The following CHL1 variants were observed in gnomAD, a reference collection of about 807,000 sequenced individuals.
CHL1 encodes cell adhesion molecule L1 like, also known as neural cell adhesion molecule L1-like protein.
CHL1 carries 96 observed loss-of-function variants against 141.9 expected under a neutral mutation model. The ratio of observed to expected loss-of-function variants is 0.68; its 90% confidence interval spans 0.57 to 0.80. CHL1 has a LOEUF of 0.80. Among genes scored for constraint, CHL1 ranks in the 30% least tolerant of loss-of-function variants. The pLI, the probability that CHL1 is intolerant of heterozygous loss-of-function variation, is 0.00. For missense variants in CHL1, 1,820 were observed against 1,457.2 expected (o/e 1.25, Z -4.05); for synonymous variants, 613 against 502.2 (o/e 1.22, Z -2.95).
At chr3:277,681 A>G (rs1244476019) in intron 2 of CHL1, among the ~76,000 whole-genome samples, 1 of 152,222 alleles carries the variant, frequency 6.6e-6, no homozygotes, top group Non-Finnish European at 1.5e-5. Flanking sequence ...CAAGGAAAAT[A>G]AATATTTTTG....
chr3:355,382 GC>G (rs1703621978), intron 11 of CHL1, among the ~76,000 whole-genome samples: 2 of 152,164 alleles, frequency 1.3e-5, no homozygotes, highest in African/African-American at 4.8e-5. Flanking sequence ...AATGGGCTGG[GC>G]GGGGAAAGAC....
chr3:383,637 TA>T (rs1249720586), intron 18 of CHL1, among the ~76,000 whole-genome samples, 178 bp from the exon 19 acceptor site: 1 of 152,170 alleles, frequency 6.6e-6, no homozygotes, highest in Non-Finnish European at 1.5e-5. Flanking sequence ...TTTACTCTTT[TA>T]AATAAAATAC....
chr3:346,938 ATAAAG>A, intron 9 of CHL1, among the ~76,000 whole-genome samples: 1 of 152,316 alleles, frequency 6.6e-6, no homozygotes, highest in South Asian at 2.1e-4. Flanking sequence ...ACTTGAAAGA[ATAAAG>A]TAAAATGATT....
intron 1 of CHL1, among the ~76,000 whole-genome samples, chr3:233,078 T>A (rs910709015): frequency 6.6e-6 from 1 of 151,948 alleles, no homozygotes; most frequent in African/African-American, 2.4e-5. Flanking sequence ...TATCTGAGGA[T>A]ACAAAGATAC....
chr3:315,609 A>G (rs563070800), intron 2 of CHL1, among the ~76,000 whole-genome samples: 1 of 152,124 alleles, frequency 6.6e-6, no homozygotes, highest in Admixed American at 6.5e-5. Flanking sequence ...AAAGAATTTT[A>G]TTTCCTTTTT....
intron 1 of CHL1, among the ~76,000 whole-genome samples, chr3:220,073 C>T (rs1382226031): frequency 6.6e-6 from 1 of 152,100 alleles, no homozygotes; most frequent in Non-Finnish European, 1.5e-5. Context: ...AAGTTACATA[C>T]TGTGGGATTT....
chr3:256,539 C>A (rs935555005), intron 2 of CHL1, among the ~76,000 whole-genome samples: 1 of 152,174 alleles, frequency 6.6e-6, no homozygotes, highest in South Asian at 2.1e-4. Context: ...GCTGTTAACG[C>A]TAATGAGGGA....
At chr3:228,669 C>G (rs146990372) in intron 1 of CHL1, among the ~76,000 whole-genome samples, 2 of 152,130 alleles carry the variant, frequency 1.3e-5, no homozygotes, top group Non-Finnish European at 2.9e-5. Context: ...TATAATGGCT[C>G]ATTAACCCCT....
chr3:266,612 G>A (rs969174076), intron 2 of CHL1, among the ~76,000 whole-genome samples: 3 of 141,364 alleles, frequency 2.1e-5, no homozygotes, highest in Non-Finnish European at 3.2e-5. Context: ...TTTGCAATAT[G>A]TCTGATAGTG....
intron 16 of CHL1, 37 bp from the exon 17 acceptor site, chr3:382,142 G>C: frequency 6.4e-7 from 1 of 1,561,926 alleles, no homozygotes; most frequent in Middle Eastern, 1.7e-4. Flanking sequence ...GGTAAACAAA[G>C]GCAATTATCT....
At chr3:350,160 A>G (rs1296832537) in intron 10 of CHL1, among the ~76,000 whole-genome samples, 1 of 152,224 alleles carries the variant, frequency 6.6e-6, no homozygotes, top group Non-Finnish European at 1.5e-5. Flanking sequence ...GTGCAAAAAC[A>G]TTATATTCAA....
At chr3:242,316 G>GGC (rs1373080100) in intron 1 of CHL1, among the ~76,000 whole-genome samples, 1 of 151,556 alleles carries the variant, frequency 6.6e-6, no homozygotes, top group Non-Finnish European at 1.5e-5. Flanking sequence ...ACAGAGACTG[G>GGC]CTGAGCGCGG....
At chr3:324,917 GT>G in intron 3 of CHL1, among the ~76,000 whole-genome samples, 1 of 151,976 alleles carries the variant, frequency 6.6e-6, no homozygotes, top group South Asian at 2.1e-4. Flanking sequence ...AATTGTGTTT[GT>G]CTTGTAGATT....
Position 382,619 on chromosome 3 carries a change from A to G in CHL1, c.2124A>G (p.Val708=). ...TCAGGGTCATAGCCGTGAACGAAGT[A>G]GGGAGAAGTCAGCCTAGCCAGCCGT... ...YQFRVIAVNE[V]GRSQPSQPSD... The change falls in exon 18 of 28, where the codon GTA becomes GTG. Residue 708 remains valine, a synonymous_variant. Coordinates refer to ENST00000256509, the MANE Select transcript of CHL1 (RefSeq NM_006614.4). The G allele has an allele frequency of 6.2e-7, 1 of 1,613,910 alleles. No individual in the cohort carries two copies. Among genetic ancestry groups the G allele is most frequent in the East Asian group, 2.2e-5 (1 of 44,860 alleles).
rs1166871185 is a variant in CHL1, at chr3:363,287, A to C, written c.1489A>C (p.Ile497Leu). Residue 497 changes from isoleucine (I) to leucine (L), a missense_variant, in exon 14 of 28, where the codon ATC becomes CTC. Transcript: ENST00000256509. Reference sequence around the variant, plus strand: ...TATCTATGAAAATGGCACATTGCAGATCAACAGAACCACCGAAGAAGATGC... The same window carrying C: ...TATCTATGAAAATGGCACATTGCAGCTCAACAGAACCACCGAAGAAGATGC... The part of the protein sequence containing the change: ...YHIYENGTLQ[I>L]NRTTEEDAGS... 6.2e-7 allele frequency: 1 copy of C among 1,613,806 alleles called. No homozygotes were observed. The highest frequency in any genetic ancestry group is 8.5e-7 in the Non-Finnish European group (1 of 1,179,780).
At chr3:336,364 T>C (rs548900243) in intron 5 of CHL1, among the ~76,000 whole-genome samples, 2 of 152,188 alleles carry the variant, frequency 1.3e-5, no homozygotes, top group African/African-American at 4.8e-5. Context: ...CCAGTGTTTT[T>C]TGGTTTTTGT....
chr3:351,218 T>C (rs1703225794), intron 10 of CHL1, among the ~76,000 whole-genome samples: 1 of 152,198 alleles, frequency 6.6e-6, no homozygotes, highest in South Asian at 2.1e-4. Flanking sequence ...AATTATGCAA[T>C]TTAAAATGTT....
intron 2 of CHL1, among the ~76,000 whole-genome samples, chr3:288,324 C>G (rs1330126331): frequency 6.8e-6 from 1 of 146,578 alleles, no homozygotes; most frequent in South Asian, 2.4e-4. Context: ...TTTTAGGTGA[C>G]AAACACATGT....
At chr3:261,214 A>T (rs1694690747) in intron 2 of CHL1, among the ~76,000 whole-genome samples, 1 of 152,088 alleles carries the variant, frequency 6.6e-6, no homozygotes, top group African/African-American at 2.4e-5. Flanking sequence ...CCAGCCCCTG[A>T]TCTGTTTAGC....
Sources: allele counts gnomAD v4.1 joint callset (sites outside exome capture counted in the v4.1 genomes callset), GRCh38; gene constraint gnomAD v4.1.1; transcripts MANE v1.5; gene names NCBI Gene and HGNC (gene_info 2026-07-23, HGNC 2026-07-21).